HIVEP1: variants seen among roughly 807,000 people sequenced by gnomAD.
HIVEP1 encodes zinc finger protein 40.
In HIVEP1, 36 loss-of-function variants were observed where a neutral mutation model predicts 180.0. The observed-to-expected ratio is 0.20, with a 90% CI of 0.15 to 0.26. The LOEUF (loss-of-function observed/expected upper bound fraction) is 0.26, where lower values mean the gene tolerates loss of function less well. HIVEP1 is among the 10% of genes least tolerant of loss of function. The pLI, the probability that HIVEP1 is intolerant of heterozygous loss-of-function variation, is 1.00. For missense variants in HIVEP1, 3,143 were observed against 3,268.7 expected, an observed-to-expected ratio of 0.96 and a Z score of 0.94; for synonymous variants, 1,239 against 1,239.0, an observed-to-expected ratio of 1.00 and a Z score of 0.00.
intron 3 of HIVEP1, among the ~76,000 whole-genome samples, chr6:12,098,098 T>C (rs1224882624): frequency 1.3e-5 from 2 of 152,200 alleles, no homozygotes; most frequent in African/African-American, 4.8e-5. Context: ...ATGCATCCTT[T>C]AGCAAGGAGA....
chr6:12,119,952 A>G lies in HIVEP1; in HGVS notation c.157A>G (p.Ile53Val). The G allele has an allele frequency of 6.2e-7, 1 of 1,607,336 alleles. No individual in the cohort carries two copies. Residue 53 changes from isoleucine to valine, a missense_variant, in exon 4 of 9, where the codon ATC becomes GTC. This residue lies in a region of HIVEP1 where 114 missense variants were observed against 134.5 expected (regional missense o/e 0.85). Transcript: ENST00000379388. ...CCTTAAAGGTGTGAAACGCAAAAAG[A>G]TCGTAGCTGAGAATCACCTGAAAAA... ...ESLKGVKRKK[I>V]VAENHLKKIP...
chr6:12,092,493 A>T (rs776637364), intron 3 of HIVEP1, among the ~76,000 whole-genome samples: 2 of 152,164 alleles, frequency 1.3e-5, no homozygotes, highest in Admixed American at 1.3e-4. Flanking sequence ...ATCATAAACA[A>T]TGCAGGTATG....
the HIVEP1 span, among the ~76,000 whole-genome samples, chr6:12,181,355 G>T: frequency 6.6e-6 from 1 of 151,590 alleles, no homozygotes; most frequent in Non-Finnish European, 1.5e-5. Flanking sequence ...GTGAGACTCC[G>T]TCTCAAAAAA....
chr6:12,072,537 T>C (rs1280391548), intron 2 of HIVEP1, among the ~76,000 whole-genome samples: 1 of 152,170 alleles, frequency 6.6e-6, no homozygotes, highest in East Asian at 1.9e-4. Context: ...ATATTTTCAG[T>C]CAAGTTTGGG....
chr6:12,123,836 T>G lies in HIVEP1; in HGVS notation c.4041T>G (p.Ile1347Met). ...DFLNKAEFLM[I>M]PAGLNTLNVP... ...TAAATAAAGCCGAGTTTCTTATGAT[T>G]CCAGCTGGCTTGAATACTCTGAATG... Residue 1347 changes from isoleucine to methionine, a missense_variant, in exon 4 of 9, where the codon ATT becomes ATG. By Grantham distance (10) the Ile-to-Met change is conservative. Around this residue, in one of 12 missense-constraint regions of HIVEP1, gnomAD observed 1,357 missense variants for 1,260.5 expected, o/e 1.08. Coordinates refer to ENST00000379388, the MANE Select transcript of HIVEP1 (RefSeq NM_002114.4). 1 of 1,614,116 alleles carries G rather than the reference T, an allele frequency of 6.2e-7. No individual in the cohort carries two copies. The highest frequency in any genetic ancestry group is 8.5e-7 in the Non-Finnish European group (1 of 1,179,984).
chr6:12,152,810 G>A (rs1272249314), intron 7 of HIVEP1, among the ~76,000 whole-genome samples: 2 of 95,312 alleles, frequency 2.1e-5, no homozygotes, highest in South Asian at 2.8e-4. Context: ...GGAGAAGGGA[G>A]CAGAGAAGCC....
intron 2 of HIVEP1, among the ~76,000 whole-genome samples, chr6:12,031,661 G>A (rs1561869510): frequency 2.0e-5 from 3 of 152,152 alleles, no homozygotes; most frequent in South Asian, 2.1e-4. Context: ...GAACAGCCCC[G>A]GGCAAAAAAT....
chr6:12,075,350 G>T (rs1772281399), intron 2 of HIVEP1, among the ~76,000 whole-genome samples: 1 of 152,190 alleles, frequency 6.6e-6, no homozygotes, highest in Admixed American at 6.5e-5. Flanking sequence ...ATCCTTTTCA[G>T]CTTTGGTGTG....
At position 12,121,824 on chromosome 6, in the gene HIVEP1, T is replaced by C; in HGVS notation, c.2029T>C (p.Ser677Pro). ...SLGSTDSGYF[S>P]RSESADQTVS... ...AGGAAGTACGGATTCTGGTTACTTTTCACGTTCTGAAAGTGCCGATCAAAC... is the reference window on the plus strand; with the variant it reads ...AGGAAGTACGGATTCTGGTTACTTTCCACGTTCTGAAAGTGCCGATCAAAC... Residue 677 changes from serine (S) to proline (P), a missense_variant, in exon 4 of 9, where the codon TCA (serine) becomes CCA (proline). This residue lies in a region of HIVEP1 where 365 missense variants were observed against 344.4 expected (regional missense o/e 1.06). Coordinates refer to ENST00000379388, the MANE Select transcript of HIVEP1 (RefSeq NM_002114.4). The surrounding 1 kb of genome is among the most constrained non-coding windows in gnomAD (Gnocchi z 5.3). 4 of 1,614,184 alleles carry C rather than the reference T, an allele frequency of 2.5e-6. No homozygotes were observed. Among genetic ancestry groups the C allele is most frequent in the Non-Finnish European group, 3.4e-6 (4 of 1,180,040 alleles).
At chr6:12,196,458 T>C in the HIVEP1 span, among the ~76,000 whole-genome samples, 1 of 152,212 alleles carries the variant, frequency 6.6e-6, no homozygotes, top group Non-Finnish European at 1.5e-5. Context: ...GACTAGGCAT[T>C]CTCGTTGGCA....
downstream of HIVEP1, among the ~76,000 whole-genome samples, chr6:12,169,568 A>G (rs936898737): frequency 3.9e-5 from 6 of 152,200 alleles, no homozygotes; most frequent in African/African-American, 1.4e-4. Flanking sequence ...CTAGGACATG[A>G]CAATAGACCA....
At chr6:12,103,476 C>T (rs1774229984) in intron 3 of HIVEP1, among the ~76,000 whole-genome samples, 1 of 151,874 alleles carries the variant, frequency 6.6e-6, no homozygotes. Flanking sequence ...AAAAAGTGAG[C>T]GGAAGTGGTA....
intron 2 of HIVEP1, among the ~76,000 whole-genome samples, chr6:12,049,082 G>T (rs1043256749): frequency 6.6e-6 from 1 of 152,188 alleles, no homozygotes; most frequent in African/African-American, 2.4e-5. Flanking sequence ...GTGGGTGTGG[G>T]CAGGGGGAAG....
At chr6:12,152,477 G>A (rs761278130) in intron 7 of HIVEP1, among the ~76,000 whole-genome samples, 2 of 152,174 alleles carry the variant, frequency 1.3e-5, no homozygotes, top group African/African-American at 4.8e-5. Flanking sequence ...AATCCAAACA[G>A]AGGGCAGAGT....
chr6:12,189,775 T>C, the HIVEP1 span, among the ~76,000 whole-genome samples: 4 of 152,278 alleles, frequency 2.6e-5, no homozygotes, highest in South Asian at 8.3e-4. Context: ...TCTAGGAATT[T>C]ATTCTTATTG....
chr6:12,089,144 A>C (rs907781414), intron 2 of HIVEP1, 40 bp from the exon 3 acceptor site: 2 of 1,121,768 alleles, frequency 1.8e-6, no homozygotes, highest in Admixed American at 1.8e-5. Flanking sequence ...TTATTTGTTT[A>C]AGGTAAATTA....
chr6:12,109,760 G>C (rs183443314), intron 3 of HIVEP1, among the ~76,000 whole-genome samples: 69 of 152,298 alleles, frequency 4.5e-4, no homozygotes, highest in African/African-American at 1.4e-3. Context: ...TTGCCATTTT[G>C]ACCTCCTCTC....
chr6:12,025,321 T>C (rs1195581986), intron 2 of HIVEP1, among the ~76,000 whole-genome samples: 1 of 152,224 alleles, frequency 6.6e-6, no homozygotes, highest in Non-Finnish European at 1.5e-5. Flanking sequence ...TTTTTTTTCT[T>C]AAGCCTTTAA....
the HIVEP1 span, among the ~76,000 whole-genome samples, chr6:12,208,666 T>G: frequency 2.0e-5 from 3 of 152,084 alleles, no homozygotes; most frequent in Non-Finnish European, 4.4e-5. Flanking sequence ...TAATCCAGTT[T>G]AAATGGCGTC....
Sources: gnomAD v4.1 joint callset for allele counts (sites outside exome capture counted in the v4.1 genomes callset) on GRCh38, gnomAD v4.1.1 for gene constraint, gnomAD v4.1.1 regional missense constraint, Gnocchi (gnomAD v3.1) non-coding constraint, MANE v1.5 for transcripts, NCBI Gene and HGNC (gene_info 2026-07-23, HGNC 2026-07-21) for gene names.